The following PAAF1 variants were observed in gnomAD, a reference collection of about 807,000 sequenced individuals.
The protein encoded by PAAF1 is proteasomal ATPase associated factor 1.
In PAAF1, 46 loss-of-function variants were observed where a neutral mutation model predicts 52.8. That is an observed-to-expected ratio of 0.87 (90% CI 0.69 to 1.11). The LOEUF is 1.11. Among genes scored for constraint, PAAF1 ranks in the 50% most tolerant of loss-of-function variants. The pLI is 0.00. For missense variants in PAAF1, 424 were observed against 477.4 expected (o/e 0.89, Z 1.04); for synonymous variants, 178 against 172.8 (o/e 1.03, Z -0.24).
At chr11:73,877,872 C>T (rs1461034108) in intron 1 of PAAF1, among the ~76,000 whole-genome samples, 2 of 151,920 alleles carry the variant, frequency 1.3e-5, no homozygotes, top group East Asian at 1.9e-4. Flanking sequence ...GGTGACAGAG[C>T]GATACTCATC....
Position 73,878,815 on chromosome 11 carries a change from C to T in PAAF1, c.84C>T (p.Pro28=), listed in dbSNP as rs1406033701. The change falls in exon 2 of 12, where the codon CCC becomes CCT. Residue 28 remains proline (P), a synonymous_variant. Transcript: ENST00000310571. The part of the protein sequence containing the change: ...DEGEAWLSCH[P]PGKPSLYGSL... ...GGGAGGCCTGGCTGAGCTGTCATCC[C>T]CCAGGTAATACCCATGAATTATATA... 1 of 1,613,534 alleles carries T rather than the reference C, an allele frequency of 6.2e-7. No individual in the cohort carries two copies. The highest frequency in any genetic ancestry group is 1.1e-5 in the South Asian group (1 of 91,020).
chr11:73,924,756 A>T, intron 11 of PAAF1, 59 bp downstream of exon 11: 1 of 1,337,152 alleles, frequency 7.5e-7, no homozygotes, highest in Non-Finnish European at 1.1e-6. Context: ...TAGGGCTTTT[A>T]TGAGACTGAA....
intron 1 of PAAF1, among the ~76,000 whole-genome samples, chr11:73,878,123 TA>T (rs1157547278): frequency 6.6e-6 from 1 of 152,210 alleles, no homozygotes; most frequent in Non-Finnish European, 1.5e-5. Context: ...ATTTATACCT[TA>T]CTTAATTTAG....
intron 2 of PAAF1, chr11:73,879,580 T>C (rs1026620325): frequency 6.6e-6 from 1 of 152,128 alleles, no homozygotes; most frequent in Non-Finnish European, 1.5e-5. Flanking sequence ...AGAAATAAAG[T>C]TTTGGCCAGG....
At chr11:73,895,560 A>G (rs1461578205) in intron 4 of PAAF1, among the ~76,000 whole-genome samples, 7 of 152,236 alleles carry the variant, frequency 4.6e-5, no homozygotes, top group African/African-American at 7.2e-5. Context: ...CTTATTTATT[A>G]TGGTTTAATT....
Position 73,927,330 on chromosome 11 carries a change from C to T in PAAF1, c.1147C>T (p.Leu383Phe). The T allele has an allele frequency of 1.2e-6, 2 of 1,614,164 alleles. No individual in the cohort carries two copies. The highest frequency in any genetic ancestry group is 1.7e-6 in the Non-Finnish European group (2 of 1,180,010). Residue 383 changes from leucine (L) to phenylalanine (F), a missense_variant, in exon 12 of 12, where the codon CTT becomes TTT. Transcript: ENST00000310571. ...KQIYTCCRDGLVRRYQLSDL is the reference protein window; with the variant it reads ...KQIYTCCRDGFVRRYQLSDL ...GATCTACACATGCTGTCGAGACGGT[C>T]TTGTACGACGCTACCAGCTTTCTGA...
At chr11:73,908,383 G>A (rs866811724) in intron 6 of PAAF1, among the ~76,000 whole-genome samples, 7 of 120,996 alleles carry the variant, frequency 5.8e-5, no homozygotes, top group South Asian at 5.3e-4. Context: ...GTATATATAT[G>A]TGTGTATATA....
chr11:73,907,684 C>T (rs1949800213), intron 6 of PAAF1, among the ~76,000 whole-genome samples: 6 of 152,222 alleles, frequency 3.9e-5, no homozygotes, highest in South Asian at 2.1e-4. Flanking sequence ...GTGCTGCTGC[C>T]GGCTTCCATG....
upstream of PAAF1, chr11:73,876,871 G>A (rs1241321389): frequency 1.2e-5 from 9 of 750,770 alleles, no homozygotes; most frequent in Non-Finnish European, 1.8e-5. Context: ...CGTGGGGAGC[G>A]TGCACACGGA....
In PAAF1 at chr11:73,890,299, C is replaced by T. The variant is rs545251915; in HGVS notation, c.193-813C>T. 1.1e-3 allele frequency among the ~76,000 whole-genome samples: 169 copies of T among 152,232 alleles called. 1 individual carries two copies. The highest frequency in any genetic ancestry group is 1.8e-3 in the Non-Finnish European group (122 of 68,016). On this transcript the variant is annotated intron_variant, in intron 3 of 11. Coordinates refer to ENST00000310571, the MANE Select transcript of PAAF1 (RefSeq NM_025155.3). ...TACCTCTACACGTGCTACCTTCAAACGCCAATATTCTTACCTAAAATGGTT... is the reference window on the plus strand; with the variant it reads ...TACCTCTACACGTGCTACCTTCAAATGCCAATATTCTTACCTAAAATGGTT...
At chr11:73,908,399 G>GTATATATATA (rs1217683996) in intron 6 of PAAF1, among the ~76,000 whole-genome samples, 10 of 143,726 alleles carry the variant, frequency 7.0e-5, no homozygotes, top group Non-Finnish European at 1.1e-4. Flanking sequence ...ATATATATAT[G>GTATATATATA]TGTATATATA....
chr11:73,878,892 C>T (rs1948818969), intron 2 of PAAF1, 73 bp downstream of exon 2: 1 of 1,445,896 alleles, frequency 6.9e-7, no homozygotes, highest in African/African-American at 1.4e-5. Flanking sequence ...AAGCTTCCTA[C>T]TTTCTCCTGG....
chr11:73,930,296 G>C lies in PAAF1; in HGVS notation c.*2934G>C, dbSNP rs1591150628. 2 of 151,306 alleles carry C rather than the reference G, an allele frequency of 1.3e-5. 1 individual carries two copies. The highest frequency in any genetic ancestry group is 4.2e-4 in the South Asian group (2 of 4,774). The allele number at this position is 151,306 out of a possible 1,614,324, so 9.4% of individuals were successfully genotyped here. A position where few individuals can be genotyped will look rare whatever the true frequency, so the allele number is the denominator to read the frequency against. On this transcript the variant is annotated 3_prime_UTR_variant, in exon 12 of 12. Coordinates refer to ENST00000310571, the MANE Select transcript of PAAF1 (RefSeq NM_025155.3). ...GAGGCAGGAGAATGGTGTGAACCTG[G>C]CAGGCAGAGCTTGCAGTAAGCTGAG...
chr11:73,909,351 G>A (rs1317150164), intron 6 of PAAF1, 48 bp from the exon 7 acceptor site: 2 of 1,571,034 alleles, frequency 1.3e-6, no homozygotes, highest in African/African-American at 2.7e-5. Flanking sequence ...TGCCCTTGTA[G>A]TTCCTTTACT....
At chr11:73,918,701 C>G (rs1342464435) in intron 9 of PAAF1, among the ~76,000 whole-genome samples, 3 of 151,974 alleles carry the variant, frequency 2.0e-5, no homozygotes, top group Non-Finnish European at 4.4e-5. Context: ...ATCTTCAACC[C>G]ATGTCATACC....
intron 7 of PAAF1, among the ~76,000 whole-genome samples, chr11:73,913,832 A>G (rs1335334884): frequency 6.6e-6 from 1 of 152,082 alleles, no homozygotes; most frequent in East Asian, 1.9e-4. Flanking sequence ...TTTTTGCAGT[A>G]TTGTATCCCA....
At chr11:73,909,098 C>G (rs1949856114) in intron 6 of PAAF1, among the ~76,000 whole-genome samples, 1 of 152,040 alleles carries the variant, frequency 6.6e-6, no homozygotes, top group Non-Finnish European at 1.5e-5. Context: ...CTTAATTTTT[C>G]TTTTTAAAAA....
At position 73,877,061 on chromosome 11, in the gene PAAF1, G is replaced by C. The variant is rs979094493; in HGVS notation, c.40G>C (p.Ala14Pro). ...PLRIQSDWAQ[A>P]LRKDEGEAWL... ...GAGGATTCAGAGCGACTGGGCGCAA[G>C]CCCTCAGGTGAATCCAGGCCCAGAA... The change falls in exon 1 of 12, where the codon GCC (alanine) becomes CCC (proline). Residue 14 changes from alanine to proline, a missense_variant. Ala to Pro is a conservative substitution (Grantham distance 27). Coordinates refer to ENST00000310571, the MANE Select transcript of PAAF1 (RefSeq NM_025155.3). 1.3e-6 allele frequency: 2 copies of C among 1,538,506 alleles called. No homozygotes were observed. Among genetic ancestry groups the C allele is most frequent in the Admixed American group, 2.0e-5 (1 of 49,134 alleles).
chr11:73,888,000 G>A (rs1375784634), intron 3 of PAAF1, among the ~76,000 whole-genome samples: 1 of 151,980 alleles, frequency 6.6e-6, no homozygotes, highest in African/African-American at 2.4e-5. Context: ...CACCTGTCTC[G>A]GCCTCCCAAA....
Sources: gnomAD v4.1 joint callset for allele counts (sites outside exome capture counted in the v4.1 genomes callset) on GRCh38, gnomAD v4.1.1 for gene constraint, MANE v1.5 for transcripts, NCBI Gene and HGNC (gene_info 2026-07-23, HGNC 2026-07-21) for gene names.